KIF18A: variants seen among roughly 807,000 people sequenced by gnomAD.
KIF18A encodes the protein kinesin family member 18A, also known as kinesin-like protein KIF18A.
In KIF18A, 67 loss-of-function variants were observed where a neutral mutation model predicts 103.3. The observed-to-expected ratio is 0.65, with a 90% CI of 0.53 to 0.79. The LOEUF (loss-of-function observed/expected upper bound fraction) is 0.79, where lower values mean the gene tolerates loss of function less well. KIF18A is among the 30% of genes least tolerant of loss of function. KIF18A has a pLI of 0.00. For synonymous variants in KIF18A, 367 were observed against 355.5 expected, an observed-to-expected ratio of 1.03 and a Z score of -0.36; for missense variants, 1,032 against 1,062.5, an observed-to-expected ratio of 0.97 and a Z score of 0.40.
rs1851184912 is a variant in KIF18A at position 28,083,033 on chromosome 11, A to G, written c.1150-65T>C. 6.3e-6 allele frequency: 9 copies of G among 1,433,080 alleles called. No homozygotes were observed. The East Asian group carries it at 1.2e-4, about 19-fold the overall frequency. 88.8% of individuals were successfully genotyped at this position (1,433,080 alleles called of 1,614,324 possible). ...CATTTACATGGCCACAGCCAAATTTAGCTGTAAAAAATAACTGAATTAACC... is the reference window on the plus strand; with the variant it reads ...CATTTACATGGCCACAGCCAAATTTGGCTGTAAAAAATAACTGAATTAACC... On this transcript the variant is annotated intron_variant, in intron 8 of 16. Coordinates refer to ENST00000263181, the MANE Select transcript of KIF18A (RefSeq NM_031217.4).
intron 13 of KIF18A, among the ~76,000 whole-genome samples, chr11:28,055,664 G>T (rs1436036347): frequency 6.6e-6 from 1 of 152,166 alleles, no homozygotes; most frequent in Non-Finnish European, 1.5e-5. Flanking sequence ...AAATAGGACT[G>T]AGGTGATTCT....
At chr11:28,104,515 C>A (rs1279851259) in intron 1 of KIF18A, among the ~76,000 whole-genome samples, 1 of 152,170 alleles carries the variant, frequency 6.6e-6, no homozygotes, top group African/African-American at 2.4e-5. Flanking sequence ...TTATTCAGGT[C>A]TCTTCAAATG....
At chr11:28,060,204 T>G (rs559120431) in intron 12 of KIF18A, among the ~76,000 whole-genome samples, 45 of 152,310 alleles carry the variant, frequency 3.0e-4, no homozygotes, top group African/African-American at 9.1e-4. Context: ...TCCCAAATTT[T>G]CTATAAAGAA....
chr11:28,087,123 A>G (rs1232428434), intron 6 of KIF18A, among the ~76,000 whole-genome samples: 1 of 152,222 alleles, frequency 6.6e-6, no homozygotes, highest in African/African-American at 2.4e-5. Context: ...ACATGTGCAG[A>G]ACGTGCAGGT....
intron 12 of KIF18A, 96 bp from the exon 13 acceptor site, chr11:28,059,257 C>G (rs1850827467): frequency 3.6e-6 from 3 of 842,210 alleles, no homozygotes; most frequent in Non-Finnish European, 5.7e-6. Context: ...ATTAGCATAT[C>G]ATTAAAATAA....
chr11:28,050,781 A>C (rs1371024309), intron 13 of KIF18A, among the ~76,000 whole-genome samples: 3 of 151,714 alleles, frequency 2.0e-5, no homozygotes, highest in African/African-American at 7.3e-5. Flanking sequence ...TGTGCTATCT[A>C]TTTTCCAGAC....
Position 28,070,103 on chromosome 11 carries a change from G to A in KIF18A, c.1426-680C>T, listed in dbSNP as rs570815899. Reference sequence around the variant, plus strand: ...ACATCTTGACGTCTCTGGGGTATTTGCCCACAGACACTAAAGTCAATAATT... The same window carrying A: ...ACATCTTGACGTCTCTGGGGTATTTACCCACAGACACTAAAGTCAATAATT... On this transcript the variant is annotated intron_variant, in intron 10 of 16. Coordinates refer to ENST00000263181, the MANE Select transcript of KIF18A (RefSeq NM_031217.4). 6.6e-5 allele frequency among the ~76,000 whole-genome samples: 10 copies of A among 152,170 alleles called. No individual in the cohort carries two copies. In the Middle Eastern group the frequency reaches 0.01, roughly 155 times the overall value.
chr11:28,049,846 G>C (rs898839673), intron 13 of KIF18A, among the ~76,000 whole-genome samples: 1 of 151,858 alleles, frequency 6.6e-6, no homozygotes, highest in African/African-American at 2.4e-5. Flanking sequence ...AGTTGCAAAT[G>C]ATACAGGTAA....
intron 8 of KIF18A, 42 bp from the exon 9 acceptor site, chr11:28,083,010 T>C (rs1034021534): frequency 5.2e-5 from 77 of 1,469,106 alleles, no homozygotes; most frequent in Non-Finnish European, 7.1e-5. Context: ...AAAGAAGTCA[T>C]TTACATGGCC....
At position 28,062,369 on chromosome 11, in the gene KIF18A, GAAAATAGGT is replaced by G; in HGVS notation, c.1712+17_1712+25del. Reference sequence around the variant, plus strand: ...TGCTTCAGATATAGTGTTAAAATTGGAAAATAGGTAAATGTATGTACTCACGCTTCAGTC... The same window carrying G: ...TGCTTCAGATATAGTGTTAAAATTGGAAATGTATGTACTCACGCTTCAGTC... On this transcript the variant is annotated intron_variant, in intron 12 of 16. Coordinates refer to ENST00000263181, the MANE Select transcript of KIF18A (RefSeq NM_031217.4). 6.4e-7 allele frequency: 1 copy of G among 1,559,104 alleles called. No homozygotes were observed. Among genetic ancestry groups the G allele is most frequent in the Non-Finnish European group, 8.7e-7 (1 of 1,153,566 alleles).
rs945150959 is a variant in KIF18A at position 28,036,613 on chromosome 11, GTTC to G, written c.1997_1999del (p.Arg666del). ...GGGAGATGGCATTAGTTTTCTCCGAGTTCTTTTTTCTGTAGGAATCTTAACCAG... is the reference window on the plus strand; with the variant it reads ...GGGAGATGGCATTAGTTTTCTCCGAGTTTTTTCTGTAGGAATCTTAACCAG... On this transcript the variant is annotated inframe_deletion, in exon 14 of 17. Coordinates refer to ENST00000263181, the MANE Select transcript of KIF18A (RefSeq NM_031217.4). 18 of 1,609,860 alleles carry G rather than the reference GTTC, an allele frequency of 1.1e-5. No homozygotes were observed. Among genetic ancestry groups the G allele is most frequent in the Non-Finnish European group, 1.3e-5 (15 of 1,177,578 alleles).
chr11:28,059,198 A>G, intron 12 of KIF18A, 37 bp from the exon 13 acceptor site: 1 of 1,393,114 alleles, frequency 7.2e-7, no homozygotes, highest in Non-Finnish European at 1.0e-6. Flanking sequence ...AGAGATAAAT[A>G]TGACATTTTA....
Position 28,087,279 on chromosome 11 carries a change from G to A in KIF18A, c.897+1245C>T, listed in dbSNP as rs368110697. ...CCTGGCGTGTAATGTTCCCCTCCCT[G>A]TGTCCATGTGTTCTCATTGTTCAAC... On this transcript the variant is annotated intron_variant, in intron 6 of 16. Transcript: ENST00000263181. Among the ~76,000 whole-genome samples, 29 of 152,020 alleles carry A rather than the reference G, an allele frequency of 1.9e-4. No individual in the cohort carries two copies. The South Asian group carries it at 5.8e-3, about 30-fold the overall frequency.
intron 11 of KIF18A, among the ~76,000 whole-genome samples, chr11:28,068,450 G>T (rs1850966221): frequency 6.8e-6 from 1 of 147,080 alleles, no homozygotes; most frequent in African/African-American, 2.5e-5. Context: ...AAAAAAAAGG[G>T]AGCTCCAATA....
intron 13 of KIF18A, among the ~76,000 whole-genome samples, chr11:28,045,536 A>G (rs1255014929): frequency 1.3e-5 from 2 of 151,946 alleles, no homozygotes; most frequent in Non-Finnish European, 2.9e-5. Context: ...TAGGCTCTAA[A>G]TGTTACACAT....
intron 13 of KIF18A, among the ~76,000 whole-genome samples, chr11:28,058,662 C>CA (rs58273868): frequency 1.7e-4 from 11 of 64,438 alleles, no homozygotes; most frequent in South Asian, 2.2e-3. Flanking sequence ...ACCCTGTCAC[C>CA]AAAAAAAAAA....
At chr11:28,057,241 C>T (rs1452935086) in intron 13 of KIF18A, among the ~76,000 whole-genome samples, 3 of 152,008 alleles carry the variant, frequency 2.0e-5, no homozygotes, top group Non-Finnish European at 2.9e-5. Context: ...TGCAGCTGGG[C>T]GCGGTGGCTC....
intron 10 of KIF18A, among the ~76,000 whole-genome samples, chr11:28,074,074 C>T (rs1451986518): frequency 6.6e-6 from 1 of 152,052 alleles, no homozygotes; most frequent in Non-Finnish European, 1.5e-5. Flanking sequence ...TGGTGGACAC[C>T]TGTAGTCTCA....
intron 13 of KIF18A, among the ~76,000 whole-genome samples, chr11:28,053,124 A>G (rs1015444925): frequency 6.6e-6 from 1 of 152,240 alleles, no homozygotes; most frequent in African/African-American, 2.4e-5. Flanking sequence ...CTGCATAGGC[A>G]TGAACCTTGT....
Sources: allele counts gnomAD v4.1 joint callset (sites outside exome capture counted in the v4.1 genomes callset), GRCh38; gene constraint gnomAD v4.1.1; transcripts MANE v1.5; gene names NCBI Gene and HGNC (gene_info 2026-07-23, HGNC 2026-07-21).